The following CACNA1C variants were observed in gnomAD, a reference collection of about 807,000 sequenced individuals.
CACNA1C encodes the protein calcium voltage-gated channel subunit alpha1 C.
In CACNA1C, 30 loss-of-function variants were observed where a neutral mutation model predicts 229.0. The ratio of observed to expected loss-of-function variants is 0.13; its 90% CI spans 0.10 to 0.18. The LOEUF (loss-of-function observed/expected upper bound fraction) is 0.18, where lower values mean the gene tolerates loss of function less well. Among genes scored for constraint, CACNA1C ranks in the 10% least tolerant of loss-of-function variants. CACNA1C has a pLI of 1.00. For missense variants in CACNA1C, 1,658 were observed against 2,845.0 expected (o/e 0.58, Z 9.49); for synonymous variants, 1,114 against 1,132.5 (o/e 0.98, Z 0.33).
rs187423074 is a variant in CACNA1C, at chr12:2,321,714, T to C, written c.478-127262T>C. ...CTGGGAGGTGCGGGCTCTGAGAAGGTGACATTTGAGCCGAGACTTGAATGA... is the reference window on the plus strand; with the variant it reads ...CTGGGAGGTGCGGGCTCTGAGAAGGCGACATTTGAGCCGAGACTTGAATGA... On this transcript the variant is annotated intron_variant, in intron 3 of 46. Coordinates refer to ENST00000399655, the MANE Select transcript of CACNA1C (RefSeq NM_000719.7). Among the ~76,000 whole-genome samples, 763 of 152,138 alleles carry C rather than the reference T, an allele frequency of 5.0e-3. 3 individuals carry two copies. Among genetic ancestry groups the C allele is most frequent in the Non-Finnish European group, 8.0e-3 (544 of 67,980 alleles).
chr12:2,666,725 G>A lies in CACNA1C; in HGVS notation c.4566G>A (p.Arg1522=). ...ACCTGGATGTGGTGACCCTCCTCCG[G>A]CGGATTCAGCCGCCACTAGGTTTTG... ...IKHLDVVTLL[R]RIQPPLGFGK... The change falls in exon 37 of 47, where the codon CGG becomes CGA. Residue 1522 remains arginine (R), a synonymous_variant. Coordinates refer to ENST00000399655, the MANE Select transcript of CACNA1C (RefSeq NM_000719.7). This position sits in a 1 kb window ranked among gnomAD's most constrained non-coding sequence, Gnocchi z 5.3. 1 of 1,603,606 alleles carries A rather than the reference G, an allele frequency of 6.2e-7. No individual in the cohort carries two copies. Among genetic ancestry groups the A allele is most frequent in the Non-Finnish European group, 8.5e-7 (1 of 1,175,010 alleles).
chr12:2,369,675 A>T (rs2097802951), intron 3 of CACNA1C, among the ~76,000 whole-genome samples: 1 of 152,182 alleles, frequency 6.6e-6, no homozygotes, highest in African/African-American at 2.4e-5. Flanking sequence ...AAGTGCTGGG[A>T]TTACAGGTGT....
At chr12:2,055,091 T>C (rs532345333) in intron 1 of CACNA1C, among the ~76,000 whole-genome samples, 2 of 152,326 alleles carry the variant, frequency 1.3e-5, no homozygotes, top group East Asian at 3.9e-4. Flanking sequence ...AGAAAGAATC[T>C]TGTCAAGGGT....
At chr12:2,237,284 C>G (rs1447508544) in intron 3 of CACNA1C, among the ~76,000 whole-genome samples, 1 of 152,236 alleles carries the variant, frequency 6.6e-6, no homozygotes, top group East Asian at 1.9e-4. Context: ...ACACAGCAGC[C>G]TCCATTGCCT....
chr12:2,050,285 T>C (rs1233020783), upstream of CACNA1C, among the ~76,000 whole-genome samples: 1 of 152,192 alleles, frequency 6.6e-6, no homozygotes, highest in Non-Finnish European at 1.5e-5. Flanking sequence ...AGGCTCCACA[T>C]TTACTCAGCT....
intron 18 of CACNA1C, among the ~76,000 whole-genome samples, chr12:2,591,822 T>G (rs1236992138): frequency 6.6e-6 from 1 of 151,924 alleles, no homozygotes; most frequent in East Asian, 1.9e-4. Context: ...TCTGAAAGGC[T>G]CTTGGGAAGA....
chr12:2,213,151 A>ATTTCC (rs1375537779), intron 3 of CACNA1C, among the ~76,000 whole-genome samples: 1 of 152,022 alleles, frequency 6.6e-6, no homozygotes, highest in South Asian at 2.1e-4. Context: ...AGCGCCTGCC[A>ATTTCC]TTTCCCATTC....
intron 3 of CACNA1C, among the ~76,000 whole-genome samples, chr12:2,209,626 A>T (rs771967229): frequency 6.6e-6 from 1 of 152,240 alleles, no homozygotes; most frequent in South Asian, 2.1e-4. Context: ...GCTGAAGTTT[A>T]AAATAACTAT....
At chr12:2,323,826 G>A (rs1465090481) in intron 3 of CACNA1C, among the ~76,000 whole-genome samples, 1 of 152,132 alleles carries the variant, frequency 6.6e-6, no homozygotes, top group African/African-American at 2.4e-5. Flanking sequence ...GGAGCTTTTG[G>A]TGGGGGAGGG....
Position 2,679,382 on chromosome 12 carries a change from T to C in CACNA1C, c.5092-62T>C, listed in dbSNP as rs553832767. ...ACTTCCCTGACCTGGCTGTGGAGGC[T>C]GCTCTCTGGGAGGAGTGGGTGCTAA... On this transcript the variant is annotated intron_variant, in intron 41 of 46. Transcript: ENST00000399655. This position sits in a 1 kb window ranked among gnomAD's most constrained non-coding sequence, Gnocchi z 5.5. 2.4e-6 allele frequency: 3 copies of C among 1,251,322 alleles called. No homozygotes were observed. Among genetic ancestry groups the C allele is most frequent in the Non-Finnish European group, 3.3e-6 (3 of 916,094 alleles). 77.5% of individuals were successfully genotyped at this position (1,251,322 alleles called of 1,614,324 possible).
chr12:2,290,129 G>T (rs116698755), intron 3 of CACNA1C, among the ~76,000 whole-genome samples: 6,587 of 152,264 alleles, frequency 0.043, 177 homozygotes, highest in Middle Eastern at 0.065. Flanking sequence ...AACTGCCCTC[G>T]CTCTGAAGAT....
At chr12:2,366,008 C>T (rs1192558543) in intron 3 of CACNA1C, among the ~76,000 whole-genome samples, 1 of 152,194 alleles carries the variant, frequency 6.6e-6, no homozygotes, top group Non-Finnish European at 1.5e-5. Context: ...ATGTCCTCCT[C>T]CAGAGACAAT....
intron 3 of CACNA1C, among the ~76,000 whole-genome samples, chr12:2,312,158 C>A (rs1440865174): frequency 6.6e-6 from 1 of 152,180 alleles, no homozygotes; most frequent in East Asian, 1.9e-4. Context: ...TTCACACCCG[C>A]TCCGAGTTTG....
chr12:1,982,832 T>G lies in CACNA1C; in HGVS notation c.139+11631T>G, dbSNP rs113633456. On this transcript the variant is annotated intron_variant, in intron 1 of 46. Transcript: ENST00000682462. ...AGTTGGAAAATAATACCTCTTCTAC[T>G]TTCTGAAAGAGATTGTATAGAATTG... Among the ~76,000 whole-genome samples, 452 of 152,250 alleles carry G rather than the reference T, an allele frequency of 3.0e-3. 1 individual carries two copies. The highest frequency in any genetic ancestry group is 3.7e-3 in the Non-Finnish European group (249 of 67,966).
chr12:2,459,169 G>GTTT (rs59909090), intron 5 of CACNA1C, among the ~76,000 whole-genome samples: 5 of 109,434 alleles, frequency 4.6e-5, no homozygotes, highest in South Asian at 3.1e-4. Flanking sequence ...TTTTGTGTGT[G>GTTT]TTTTTTTTTT....
chr12:2,640,207 T>C (rs1371104952), intron 30 of CACNA1C, among the ~76,000 whole-genome samples: 2 of 152,092 alleles, frequency 1.3e-5, no homozygotes, highest in African/African-American at 2.4e-5. Flanking sequence ...GGCCACACGG[T>C]GAATGGGAGG....
intron 3 of CACNA1C, among the ~76,000 whole-genome samples, chr12:2,165,376 C>T: frequency 6.6e-6 from 1 of 152,230 alleles, no homozygotes; most frequent in East Asian, 1.9e-4. Flanking sequence ...CACTGTGGTA[C>T]TTGCTTCTCT....
At chr12:2,180,028 C>T (rs2096786033) in intron 3 of CACNA1C, among the ~76,000 whole-genome samples, 1 of 152,228 alleles carries the variant, frequency 6.6e-6, no homozygotes, top group Non-Finnish European at 1.5e-5. Context: ...GGCAGGCCCT[C>T]CAACTGCCTC....
At chr12:2,420,533 G>T (rs1347474633) in intron 3 of CACNA1C, among the ~76,000 whole-genome samples, 1 of 152,228 alleles carries the variant, frequency 6.6e-6, no homozygotes, top group Non-Finnish European at 1.5e-5. Context: ...GGCCAAGGTG[G>T]AAGGAGAGTG....
Sources: gnomAD v4.1 joint callset for allele counts (sites outside exome capture counted in the v4.1 genomes callset) on GRCh38, gnomAD v4.1.1 for gene constraint, Gnocchi (gnomAD v3.1) non-coding constraint, MANE v1.5 for transcripts, NCBI Gene and HGNC (gene_info 2026-07-23, HGNC 2026-07-21) for gene names.